The following CHD6 variants were observed in gnomAD, a reference collection of about 807,000 sequenced individuals.
CHD6 encodes ATP-dependent chromatin remodeler CHD6.
CHD6 carries 50 observed loss-of-function variants against 276.9 expected under a neutral mutation model. That is an observed-to-expected ratio of 0.18 (90% CI 0.14 to 0.23). CHD6 has a LOEUF of 0.23. Ranked by LOEUF, CHD6 falls within the 10% of genes least tolerant of loss-of-function variation. The pLI is 1.00. For missense variants in CHD6, 2,564 were observed against 3,365.8 expected (o/e 0.76, Z 5.89); for synonymous variants, 1,173 against 1,229.3 (o/e 0.95, Z 0.96).
At chr20:41,496,497 C>T (rs1203748233) in intron 8 of CHD6, among the ~76,000 whole-genome samples, 1 of 152,080 alleles carries the variant, frequency 6.6e-6, no homozygotes, top group African/African-American at 2.4e-5. Flanking sequence ...CTTTAGCTAC[C>T]TCATAAAGCA....
chr20:41,568,717 A>G (rs1471108272), intron 1 of CHD6, among the ~76,000 whole-genome samples: 2 of 152,208 alleles, frequency 1.3e-5, no homozygotes, highest in African/African-American at 4.8e-5. Context: ...CACATAATGG[A>G]TTCTGAATCT....
intron 1 of CHD6, among the ~76,000 whole-genome samples, chr20:41,571,646 T>C (rs1040158790): frequency 6.6e-6 from 1 of 152,012 alleles, no homozygotes; most frequent in African/African-American, 2.4e-5. Flanking sequence ...TTGAATGAAT[T>C]AGATATCTAT....
chr20:41,522,643 C>T lies in CHD6; in HGVS notation c.555-7691G>A, dbSNP rs148962144. On this transcript the variant is annotated intron_variant, in intron 3 of 36. Transcript: ENST00000373233. ...GTTTGCAACTGGTTCAGGAAACATG[C>T]GCGCACGCGTGCGCGCACACACACA... is the stretch of plus-strand genomic sequence containing the variant. Among the ~76,000 whole-genome samples the T allele has an allele frequency of 1.1e-4, 16 of 151,974 alleles. No individual in the cohort carries two copies. In the South Asian group the frequency reaches 1.9e-3, roughly 18 times the overall value.
chr20:41,482,737 C>T (rs562031161), intron 16 of CHD6, among the ~76,000 whole-genome samples: 2 of 152,228 alleles, frequency 1.3e-5, no homozygotes, highest in South Asian at 4.2e-4. Flanking sequence ...CACACAGCAC[C>T]ACAGACTTTT....
intron 1 of CHD6, among the ~76,000 whole-genome samples, chr20:41,582,897 G>C (rs936151779): frequency 9.9e-5 from 15 of 151,990 alleles, no homozygotes; most frequent in Non-Finnish European, 2.9e-5. Context: ...GGAAGTAATC[G>C]AACTTGAAGA....
chr20:41,457,166 A>G, intron 18 of CHD6, 98 bp downstream of exon 18: 2 of 1,384,682 alleles, frequency 1.4e-6, no homozygotes, highest in Admixed American at 4.1e-5. Context: ...GGCTCAATGC[A>G]GCGAAAGTGA....
intron 3 of CHD6, among the ~76,000 whole-genome samples, chr20:41,522,376 C>T (rs1363237594): frequency 9.5e-5 from 12 of 125,998 alleles, no homozygotes; most frequent in Admixed American, 7.0e-4. Context: ...CCAAAAAAAC[C>T]CATTTTGTAA....
At chr20:41,588,750 A>G (rs565981980) in intron 1 of CHD6, among the ~76,000 whole-genome samples, 52 of 152,260 alleles carry the variant, frequency 3.4e-4, no homozygotes, top group African/African-American at 1.1e-3. Context: ...AGGACCAAAG[A>G]CATGCTACTC....
intron 1 of CHD6, among the ~76,000 whole-genome samples, chr20:41,555,660 C>A (rs1320877607): frequency 6.6e-6 from 1 of 150,552 alleles, no homozygotes; most frequent in Non-Finnish European, 1.5e-5. Context: ...GACGGGGCGG[C>A]GGGGCAGAGG....
chr20:41,561,277 T>G (rs1215605093), intron 1 of CHD6, among the ~76,000 whole-genome samples: 1 of 152,240 alleles, frequency 6.6e-6, no homozygotes, highest in Non-Finnish European at 1.5e-5. Flanking sequence ...CAACATTTAA[T>G]TCACAGCTAA....
chr20:41,527,004 C>A (rs992962057), intron 3 of CHD6, among the ~76,000 whole-genome samples: 2 of 152,200 alleles, frequency 1.3e-5, no homozygotes, highest in Non-Finnish European at 2.9e-5. Context: ...AGATAGACCT[C>A]CACTTGGGCC....
chr20:41,616,623 A>T (rs1305015636), intron 1 of CHD6, among the ~76,000 whole-genome samples: 2 of 152,222 alleles, frequency 1.3e-5, no homozygotes, highest in Non-Finnish European at 2.9e-5. Flanking sequence ...CTGGAACAAA[A>T]ATAACTCCAA....
chr20:41,593,623 C>A (rs1048481012), intron 1 of CHD6, among the ~76,000 whole-genome samples: 1 of 152,102 alleles, frequency 6.6e-6, no homozygotes, highest in Non-Finnish European at 1.5e-5. Context: ...AGTGTCTGAC[C>A]CCCAAATTCA....
chr20:41,443,875 C>G (rs987438018), intron 25 of CHD6, among the ~76,000 whole-genome samples: 9 of 152,168 alleles, frequency 5.9e-5, no homozygotes, highest in African/African-American at 2.2e-4. Flanking sequence ...TTGGGGACTT[C>G]CCTTATTTCT....
chr20:41,537,345 T>C lies in CHD6; in HGVS notation c.34-3775A>G, dbSNP rs75941910. ...AATAAAAATACATATTTAAAAACAATATACTACAACAACTATTTATGTAGC... is the reference window on the plus strand; with the variant it reads ...AATAAAAATACATATTTAAAAACAACATACTACAACAACTATTTATGTAGC... On this transcript the variant is annotated intron_variant, in intron 2 of 36. Coordinates refer to ENST00000373233, the MANE Select transcript of CHD6 (RefSeq NM_032221.5). Among the ~76,000 whole-genome samples the C allele has an allele frequency of 4.6e-3, 699 of 152,228 alleles. 8 individuals are homozygous for C. The highest frequency in any genetic ancestry group is 0.016 in the African/African-American group (670 of 41,534).
rs553946738 is a variant in CHD6 at position 41,555,437 on chromosome 20, G to T, written c.-23-4077C>A. ...TGACCCCCACCTCCCTCCCGGACGG[G>T]GTGGCTGCCGGGCGGAGACGCTCCT... On this transcript the variant is annotated intron_variant, in intron 1 of 36. Coordinates refer to ENST00000373233, the MANE Select transcript of CHD6 (RefSeq NM_032221.5). 2.0e-3 allele frequency among the ~76,000 whole-genome samples: 299 copies of T among 149,494 alleles called. 1 individual carries two copies. Among genetic ancestry groups the T allele is most frequent in the African/African-American group, 7.1e-3 (278 of 39,234 alleles).
At chr20:41,604,037 G>C (rs1437899502) in intron 1 of CHD6, among the ~76,000 whole-genome samples, 1 of 151,274 alleles carries the variant, frequency 6.6e-6, no homozygotes, top group South Asian at 2.1e-4. Context: ...GGGTAGGTAG[G>C]GGGTGTCAGG....
chr20:41,441,831 G>A (rs745988327), intron 25 of CHD6, among the ~76,000 whole-genome samples: 5 of 152,168 alleles, frequency 3.3e-5, no homozygotes, highest in Non-Finnish European at 7.3e-5. Flanking sequence ...ACCCATGAGG[G>A]GGTGTCGGCT....
At chr20:41,423,132 CTT>C (rs1434187153) in intron 30 of CHD6, among the ~76,000 whole-genome samples, 2 of 152,128 alleles carry the variant, frequency 1.3e-5, no homozygotes, top group African/African-American at 2.4e-5. Context: ...GTTATTAAGA[CTT>C]AATCTAAGGA....
Sources: allele counts gnomAD v4.1 joint callset (sites outside exome capture counted in the v4.1 genomes callset), GRCh38; gene constraint gnomAD v4.1.1; transcripts MANE v1.5; gene names NCBI Gene and HGNC (gene_info 2026-07-23, HGNC 2026-07-21).